Variants in SLC5A1 observed in about 807,000 individuals in gnomAD.
SLC5A1 encodes sodium/glucose cotransporter 1.
SLC5A1 carries 42 observed loss-of-function variants against 73.5 expected under a neutral mutation model. The ratio of observed to expected loss-of-function variants is 0.57; its 90% CI spans 0.45 to 0.74. The LOEUF (loss-of-function observed/expected upper bound fraction) is 0.74, where lower values mean the gene tolerates loss of function less well. Ranked by LOEUF, SLC5A1 falls within the 30% of genes least tolerant of loss-of-function variation. The pLI, the probability that SLC5A1 is intolerant of heterozygous loss-of-function variation, is 0.00. For synonymous variants in SLC5A1, 300 were observed against 317.4 expected, an observed-to-expected ratio of 0.95 and a Z score of 0.58; for missense variants, 634 against 855.4, an observed-to-expected ratio of 0.74 and a Z score of 3.23.
At chr22:32,059,542 G>C (rs2093957137) in intron 2 of SLC5A1, among the ~76,000 whole-genome samples, 1 of 152,166 alleles carries the variant, frequency 6.6e-6, no homozygotes, top group Admixed American at 6.5e-5. Flanking sequence ...AGCCAGTGTG[G>C]TTTTGCCAGA....
chr22:32,068,049 C>T, intron 4 of SLC5A1, 23 bp downstream of exon 4: 1 of 1,609,536 alleles, frequency 6.2e-7, no homozygotes, highest in Non-Finnish European at 8.5e-7. Flanking sequence ...TCTGTTATTT[C>T]ATTTCCTGCT....
chr22:32,050,650 G>A (rs2093943943), intron 2 of SLC5A1, among the ~76,000 whole-genome samples: 1 of 152,162 alleles, frequency 6.6e-6, no homozygotes, highest in Admixed American at 6.5e-5. Flanking sequence ...CAGAAACTCT[G>A]GAAACAGACT....
intron 4 of SLC5A1, 103 bp from the exon 5 acceptor site, chr22:32,068,392 AC>A: frequency 1.2e-6 from 1 of 838,156 alleles, no homozygotes; most frequent in Non-Finnish European, 2.1e-6. Context: ...TGAATCCTTG[AC>A]CACACTTCTG....
Position 32,067,369 on chromosome 22 carries a change from A to T in SLC5A1, c.312+330A>T, listed in dbSNP as rs1323007857. Among the ~76,000 whole-genome samples the T allele has an allele frequency of 1.6e-4, 23 of 142,844 alleles. No individual in the cohort carries two copies. The East Asian group carries it at 1.9e-3, about 12-fold the overall frequency. The allele number at this position is 142,844 out of a possible 152,430, so 93.7% of individuals were successfully genotyped here. A position where few individuals can be genotyped will look rare whatever the true frequency, so the allele number is the denominator to read the frequency against. The stretch of plus-strand genomic sequence containing the variant: ...TATTATTATTATTTTTTTTAAAAAA[A>T]TTTTTATTATTTTATTTTTAGAGAC... On this transcript the variant is annotated intron_variant, in intron 3 of 14. Coordinates refer to ENST00000266088, the MANE Select transcript of SLC5A1 (RefSeq NM_000343.4).
rs141451244 is a variant in SLC5A1, at chr22:32,082,234, G to C, written c.583+263G>C. 7.9e-5 allele frequency among the ~76,000 whole-genome samples: 12 copies of C among 152,312 alleles called. No homozygotes were observed. The East Asian group carries it at 2.1e-3, about 27-fold the overall frequency. ...GCAGAGCTGGGCCCTGTGGGTTGTG[G>C]AGATGACTTAGCTAAGGTGGGAGAA... On this transcript the variant is annotated intron_variant, in intron 6 of 14. Coordinates refer to ENST00000266088, the MANE Select transcript of SLC5A1 (RefSeq NM_000343.4).
At chr22:32,104,168 T>C (rs911222712) in intron 13 of SLC5A1, among the ~76,000 whole-genome samples, 9 of 152,234 alleles carry the variant, frequency 5.9e-5, no homozygotes, top group Non-Finnish European at 1.3e-4. Context: ...TCACATCTAT[T>C]TGCTGGACCT....
chr22:32,091,335 A>ACACACACG (rs2094017157), intron 10 of SLC5A1, among the ~76,000 whole-genome samples: 2 of 146,304 alleles, frequency 1.4e-5, no homozygotes, highest in Admixed American at 6.7e-5. Flanking sequence ...ACACACACAC[A>ACACACACG]CACACACCCC....
chr22:32,086,330 G>T lies in SLC5A1; in HGVS notation c.1129+3G>T, dbSNP rs376508230. ...AGTGGTGGAGCTCATGCCCAATGGT[G>T]AGATTCTTTCTTGGGAGGTTGGTAG... On this transcript the variant is annotated splice_donor_region_variant and intron_variant, in intron 10 of 14. Transcript: ENST00000266088. 3.7e-6 allele frequency: 6 copies of T among 1,601,028 alleles called. No individual in the cohort carries two copies. The highest frequency in any genetic ancestry group is 5.1e-6 in the Non-Finnish European group (6 of 1,168,130).
At chr22:32,050,742 G>C (rs2093944063) in intron 2 of SLC5A1, among the ~76,000 whole-genome samples, 1 of 152,230 alleles carries the variant, frequency 6.6e-6, no homozygotes, top group Non-Finnish European at 1.5e-5. Flanking sequence ...GACAATCAGA[G>C]GGAAGGAGCA....
rs1026721079 is a variant in SLC5A1 at position 32,112,615 on chromosome 22, G to A, written c.*2402G>A. On this transcript the variant is annotated 3_prime_UTR_variant, in exon 15 of 15. Coordinates refer to ENST00000266088, the MANE Select transcript of SLC5A1 (RefSeq NM_000343.4). ...AGTACCAAACACAAAAGTCAAGCTT[G>A]TAAAATATCAGGCCTTGCCCCAGAA... 1 of 152,188 alleles carries A rather than the reference G, an allele frequency of 6.6e-6. No homozygotes were observed. Among genetic ancestry groups the A allele is most frequent in the Non-Finnish European group, 1.5e-5 (1 of 68,054 alleles). The allele number at this position is 152,188 out of a possible 1,614,324, so 9.4% of individuals were successfully genotyped here.
At chr22:32,096,409 C>G (rs1229394297) in intron 11 of SLC5A1, among the ~76,000 whole-genome samples, 1 of 152,188 alleles carries the variant, frequency 6.6e-6, no homozygotes, top group Non-Finnish European at 1.5e-5. Context: ...GCTCCTTATA[C>G]TGCCCCACAC....
At chr22:32,063,202 C>T (rs1166331260) in intron 2 of SLC5A1, among the ~76,000 whole-genome samples, 2 of 152,126 alleles carry the variant, frequency 1.3e-5, no homozygotes, top group Non-Finnish European at 2.9e-5. Context: ...GGGGTTGGGG[C>T]TTTAACATAG....
At chr22:32,075,281 C>T (rs1397819575) in intron 5 of SLC5A1, among the ~76,000 whole-genome samples, 1 of 151,870 alleles carries the variant, frequency 6.6e-6, no homozygotes, top group African/African-American at 2.4e-5. Context: ...GTAATTTCCC[C>T]AAATTACACA....
At chr22:32,046,572 T>A (rs2093937462) in intron 1 of SLC5A1, among the ~76,000 whole-genome samples, 1 of 152,194 alleles carries the variant, frequency 6.6e-6, no homozygotes, top group Non-Finnish European at 1.5e-5. Context: ...TCTCATTTTG[T>A]CTGGTTGTGT....
chr22:32,090,429 T>C (rs2094015266), intron 10 of SLC5A1, among the ~76,000 whole-genome samples: 1 of 152,184 alleles, frequency 6.6e-6, no homozygotes, highest in South Asian at 2.1e-4. Context: ...TTGCTTCTTT[T>C]ACTTAACATA....
chr22:32,050,227 C>T (rs1383618125), intron 2 of SLC5A1, among the ~76,000 whole-genome samples: 1 of 152,122 alleles, frequency 6.6e-6, no homozygotes, highest in Non-Finnish European at 1.5e-5. Context: ...CCTTAGAGTC[C>T]TTCAATAAAA....
rs200815762 is a variant in SLC5A1, at chr22:32,084,678, C to T, written c.885+19C>T. On this transcript the variant is annotated intron_variant, in intron 8 of 14. Transcript: ENST00000266088. ...AGATCAGGTACCCAAGCTGGATGTG[C>T]GGGATGGACAGAGTCTTCTCCAGGG... The T allele has an allele frequency of 1.2e-4, 199 of 1,601,096 alleles. No individual in the cohort carries two copies. The highest frequency in any genetic ancestry group is 4.6e-4 in the South Asian group (42 of 90,782).
rs748078127 is a variant in SLC5A1 at position 32,083,102 on chromosome 22, C to T, written c.612C>T (p.Asp204=). 3.1e-6 allele frequency: 5 copies of T among 1,614,164 alleles called. No individual in the cohort carries two copies. The African/African-American group carries it at 5.3e-5, about 17-fold the overall frequency. The change falls in exon 7 of 15, where the codon GAC becomes GAT. Residue 204 remains aspartate, a synonymous_variant. Coordinates refer to ENST00000266088, the MANE Select transcript of SLC5A1 (RefSeq NM_000343.4). ...TGGLAAVIYT[D]TLQTVIMLVG... ...GCCTGGCGGCGGTGATTTACACGGA[C>T]ACCTTGCAGACGGTGATCATGCTGG... is the stretch of plus-strand genomic sequence containing the variant.
At chr22:32,091,292 TACACAAACAC>T (rs1156558960) in intron 10 of SLC5A1, among the ~76,000 whole-genome samples, 1 of 82,870 alleles carries the variant, frequency 1.2e-5, no homozygotes, top group African/African-American at 4.9e-5. Context: ...GAAACACACA[TACACAAACAC>T]ACACACACAC....
Sources: allele counts gnomAD v4.1 joint callset (sites outside exome capture counted in the v4.1 genomes callset), GRCh38; gene constraint gnomAD v4.1.1; transcripts MANE v1.5; gene names NCBI Gene and HGNC (gene_info 2026-07-23, HGNC 2026-07-21).